AQP9: variants seen among roughly 807,000 people sequenced by gnomAD.
AQP9 encodes aquaporin 9.
AQP9 carries 19 observed loss-of-function variants against 23.8 expected under a neutral mutation model. The ratio of observed to expected loss-of-function variants is 0.80; its 90% CI spans 0.56 to 1.17. AQP9 has a LOEUF of 1.17. AQP9 is among the 50% of genes most tolerant of loss of function. The pLI, the probability that AQP9 is intolerant of heterozygous loss-of-function variation, is 0.00. For synonymous variants in AQP9, 153 were observed against 131.5 expected, an observed-to-expected ratio of 1.16 and a Z score of -1.12; for missense variants, 413 against 362.0, an observed-to-expected ratio of 1.14 and a Z score of -1.14.
At chr15:58,148,964 C>A (rs921154591) in intron 1 of AQP9, among the ~76,000 whole-genome samples, 8 of 152,110 alleles carry the variant, frequency 5.3e-5, no homozygotes, top group Non-Finnish European at 1.0e-4. Flanking sequence ...GGTGATTGAC[C>A]TCTTCCTGAT....
At chr15:58,151,567 C>T (rs12903104) in intron 1 of AQP9, 111,793 of 151,806 alleles carry the variant, frequency 0.74, 41,973 homozygotes, top group Middle Eastern at 0.85. Flanking sequence ...ATCACCTTTC[C>T]AATGAGTCAC....
intron 1 of AQP9, among the ~76,000 whole-genome samples, chr15:58,158,111 G>A (rs1014635832): frequency 4.6e-5 from 7 of 152,112 alleles, no homozygotes; most frequent in Admixed American, 1.3e-4. Flanking sequence ...GATAGATTGG[G>A]AACAGATGGC....
intron 1 of AQP9, among the ~76,000 whole-genome samples, chr15:58,164,797 CTT>C (rs1164475768): frequency 1.4e-4 from 22 of 152,096 alleles, no homozygotes; most frequent in Non-Finnish European, 2.6e-4. Flanking sequence ...TTAAATATCT[CTT>C]GTTTGTAACT....
rs190400564 is a variant in AQP9, at chr15:58,172,926, C to G, written c.239-142C>G. ...CTGCTCAGATACACACTCTCTCTTT[C>G]ACGTGCATACACACCCCTCTTTCTC... is the stretch of plus-strand genomic sequence containing the variant. On this transcript the variant is annotated intron_variant, in intron 2 of 5. Coordinates refer to ENST00000219919, the MANE Select transcript of AQP9 (RefSeq NM_020980.5). 125 of 965,852 alleles carry G rather than the reference C, an allele frequency of 1.3e-4. No homozygotes were observed. In the African/African-American group the frequency reaches 1.9e-3, roughly 15 times the overall value. The allele number at this position is 965,852 out of a possible 1,614,324, so 59.8% of individuals were successfully genotyped here. A position where few individuals can be genotyped will look rare whatever the true frequency, so the allele number is the denominator to read the frequency against.
At chr15:58,145,487 CAA>C (rs199682588) in intron 1 of AQP9, among the ~76,000 whole-genome samples, 2,365 of 99,378 alleles carry the variant, frequency 0.024, 52 homozygotes, top group African/African-American at 0.079. Context: ...ACTTTGTGTC[CAA>C]AAAAAAAAAA....
At chr15:58,181,077 A>G (rs1898877068) in intron 5 of AQP9, among the ~76,000 whole-genome samples, 1 of 152,160 alleles carries the variant, frequency 6.6e-6, no homozygotes, top group Non-Finnish European at 1.5e-5. Context: ...TTGGTGATTC[A>G]TTCAAAAGTC....
At chr15:58,160,974 G>A (rs1898367592) in intron 1 of AQP9, among the ~76,000 whole-genome samples, 1 of 152,180 alleles carries the variant, frequency 6.6e-6, no homozygotes, top group South Asian at 2.1e-4. Context: ...TGATGCAGAA[G>A]ATCTGTGCTA....
At chr15:58,150,478 C>T (rs1009877887) in intron 1 of AQP9, 1 of 152,652 alleles carries the variant, frequency 6.6e-6, no homozygotes, top group Non-Finnish European at 1.5e-5. Context: ...CTAACCACCA[C>T]TTTGGCTTTG....
Position 58,148,109 on chromosome 15 carries a change from G to A in AQP9, c.111+9433G>A, listed in dbSNP as rs147256063. Among the ~76,000 whole-genome samples the A allele has an allele frequency of 1.3e-3, 198 of 152,264 alleles. 5 individuals carry two copies. In the East Asian group the frequency reaches 0.032, roughly 25 times the overall value. On this transcript the variant is annotated intron_variant, in intron 1 of 5. Transcript: ENST00000219919. ...TTTTCTTCACCCCCTTCCTCCCCAT[G>A]AGAGAGCTCACCCAGTAGAGTATGT...
chr15:58,156,158 TCA>T (rs1266114068), intron 1 of AQP9: 1 of 152,196 alleles, frequency 6.6e-6, no homozygotes, highest in Non-Finnish European at 1.5e-5. Context: ...CACTTCTGCT[TCA>T]CTGTCAACAC....
chr15:58,144,823 G>T (rs1277428324), intron 1 of AQP9, among the ~76,000 whole-genome samples: 1 of 151,836 alleles, frequency 6.6e-6, no homozygotes, highest in Admixed American at 6.6e-5. Flanking sequence ...AGACCAGCCT[G>T]GTCAATATGG....
intron 1 of AQP9, 116 bp downstream of exon 1, chr15:58,138,792 T>C: frequency 2.3e-6 from 2 of 858,914 alleles, no homozygotes; most frequent in East Asian, 5.1e-5. Context: ...ATCAGATTCA[T>C]CTTTTCCAGG....
At chr15:58,152,739 A>G (rs1256485451) in intron 1 of AQP9, 1 of 152,186 alleles carries the variant, frequency 6.6e-6, no homozygotes, top group Non-Finnish European at 1.5e-5. Flanking sequence ...TGTCTTTATT[A>G]CTAGCCTCAT....
At chr15:58,158,134 TCTTCAAGTCCTCAC>T (rs570576413) in intron 1 of AQP9, among the ~76,000 whole-genome samples, 132 of 152,186 alleles carry the variant, frequency 8.7e-4, no homozygotes, top group African/African-American at 3.0e-3. Context: ...CTACCTGGGG[TCTTCAAGTCCTCAC>T]CTTCCCAGAC....
intron 1 of AQP9, among the ~76,000 whole-genome samples, chr15:58,159,341 G>T (rs1026806495): frequency 3.3e-5 from 5 of 151,974 alleles, no homozygotes; most frequent in Non-Finnish European, 7.4e-5. Flanking sequence ...TTTAAAGGAG[G>T]ATTATTCAGG....
upstream of AQP9, chr15:58,138,365 A>T: frequency 2.1e-6 from 1 of 473,152 alleles, no homozygotes; most frequent in East Asian, 3.3e-5. Flanking sequence ...ATAGCAGCGA[A>T]CAGGGAATGA....
intron 2 of AQP9, among the ~76,000 whole-genome samples, chr15:58,171,342 C>T (rs1458412876): frequency 6.6e-6 from 1 of 152,138 alleles, no homozygotes; most frequent in Non-Finnish European, 1.5e-5. Context: ...CCAACTCAGC[C>T]TCCCAAAGTG....
At chr15:58,173,349 GC>G in intron 3 of AQP9, 144 bp downstream of exon 3, 1 of 1,206,956 alleles carries the variant, frequency 8.3e-7, no homozygotes, top group African/African-American at 1.5e-5. Flanking sequence ...AGAAAATGAG[GC>G]CATATTACCA....
At chr15:58,141,621 G>T (rs2140581151) in intron 1 of AQP9, among the ~76,000 whole-genome samples, 1 of 152,278 alleles carries the variant, frequency 6.6e-6, no homozygotes, top group Admixed American at 6.5e-5. Context: ...GGACAGGGAT[G>T]GTTGATTGTA....
Sources: allele counts gnomAD v4.1 joint callset (sites outside exome capture counted in the v4.1 genomes callset), GRCh38; gene constraint gnomAD v4.1.1; transcripts MANE v1.5; gene names NCBI Gene and HGNC (gene_info 2026-07-23, HGNC 2026-07-21).